The following PHLDB1 variants were observed in gnomAD, a reference collection of about 807,000 sequenced individuals.
PHLDB1 encodes pleckstrin homology-like domain family B member 1.
A neutral mutation model predicts 139.3 loss-of-function variants in PHLDB1; 65 were observed. The ratio of observed to expected loss-of-function variants is 0.47; its 90% CI spans 0.38 to 0.57. PHLDB1 has a LOEUF of 0.57. PHLDB1 is among the 20% of genes least tolerant of loss of function. PHLDB1 has a pLI of 0.00. For missense variants in PHLDB1, 1,624 were observed against 1,839.7 expected (o/e 0.88, Z 2.14); for synonymous variants, 679 against 734.5 (o/e 0.92, Z 1.22).
Position 118,632,852 on chromosome 11 carries a change from T to C in PHLDB1, c.2379+556T>C. The C allele has an allele frequency of 1.0e-6, 1 of 985,524 alleles. No homozygotes were observed. Among genetic ancestry groups the C allele is most frequent in the Non-Finnish European group, 1.2e-6 (1 of 829,860 alleles). The allele number at this position is 985,524 out of a possible 1,614,324, so 61.0% of individuals were successfully genotyped here. A position where few individuals can be genotyped will look rare whatever the true frequency, so the allele number is the denominator to read the frequency against. On this transcript the variant is annotated intron_variant, in intron 9 of 22. Coordinates refer to ENST00000600882, the MANE Select transcript of PHLDB1 (RefSeq NM_001144758.3). The surrounding 1 kb of genome is among the most constrained non-coding windows in gnomAD (Gnocchi z 5.9). ...GGCCACTCCCAGATGCCCAACACCG[T>C]GCCAAAAGCTCTGAAGTGGAGAGGG...
chr11:118,639,311 T>A, intron 12 of PHLDB1, 60 bp downstream of exon 12: 1 of 1,247,280 alleles, frequency 8.0e-7, no homozygotes, highest in Non-Finnish European at 1.2e-6. Flanking sequence ...AGGCTCTGAG[T>A]AACACATGGC....
At chr11:118,643,201 G>A (rs1419230167) in intron 13 of PHLDB1, among the ~76,000 whole-genome samples, 4 of 152,164 alleles carry the variant, frequency 2.6e-5, no homozygotes, top group Admixed American at 6.5e-5. Flanking sequence ...AGGCCTTTGA[G>A]GTAGATGAAG....
chr11:118,644,582 C>G (rs1947138879), intron 15 of PHLDB1: 2 of 1,063,182 alleles, frequency 1.9e-6, no homozygotes, highest in Non-Finnish European at 2.5e-6. Context: ...CATGTCTGTG[C>G]CTCTCTCTCC....
intron 6 of PHLDB1, chr11:118,629,937 C>G: frequency 8.7e-7 from 1 of 1,146,154 alleles, no homozygotes. Flanking sequence ...GCCCGCCCTG[C>G]CCCTCCCACC....
chr11:118,639,822 G>A (rs1186705382), intron 12 of PHLDB1: 2 of 987,140 alleles, frequency 2.0e-6, no homozygotes. Flanking sequence ...TGGGCCAAGT[G>A]TGAGGGATGC....
Position 118,645,219 on chromosome 11 carries a change from G to C in PHLDB1, c.3122-137G>C. On this transcript the variant is annotated intron_variant, in intron 15 of 22. Transcript: ENST00000600882. The surrounding 1 kb of genome is among the most constrained non-coding windows in gnomAD (Gnocchi z 5.1). ...CAGGCCTGGAGCTGCAGGGGCCTTA[G>C]GGAAGCTGCGGGGAGAGGGGGCTGC... 1 of 582,552 alleles carries C rather than the reference G, an allele frequency of 1.7e-6. No homozygotes were observed. Among genetic ancestry groups the C allele is most frequent in the Non-Finnish European group, 2.8e-6 (1 of 351,240 alleles). The allele number at this position is 582,552 out of a possible 1,614,324, so 36.1% of individuals were successfully genotyped here. A position where few individuals can be genotyped will look rare whatever the true frequency, so the allele number is the denominator to read the frequency against.
chr11:118,620,322 A>G lies in PHLDB1; in HGVS notation c.355+4111A>G, dbSNP rs1591504329. Among the ~76,000 whole-genome samples, 1 of 152,294 alleles carries G rather than the reference A, an allele frequency of 6.6e-6. No homozygotes were observed. On this transcript the variant is annotated intron_variant, in intron 4 of 22. Coordinates refer to ENST00000600882, the MANE Select transcript of PHLDB1 (RefSeq NM_001144758.3). This position sits in a 1 kb window ranked among gnomAD's most constrained non-coding sequence, Gnocchi z 4.1. ...AGCCTGACCAACATGGAGAAACCCC[A>G]TCTCTACTAAAAATACAAAATTTGC...
chr11:118,639,836 C>A (rs1281728573), intron 12 of PHLDB1: 1 of 988,772 alleles, frequency 1.0e-6, no homozygotes, highest in African/African-American at 1.8e-5. Flanking sequence ...GGGATGCAGC[C>A]CCTCACCATG....
chr11:118,627,742 C>G lies in PHLDB1; in HGVS notation c.919C>G (p.Arg307Gly), dbSNP rs61734531. 1.2e-5 allele frequency: 20 copies of G among 1,608,810 alleles called. No individual in the cohort carries two copies. In the Middle Eastern group the frequency reaches 1.8e-3, roughly 146 times the overall value. Reference sequence around the variant, plus strand: ...CCCACAGTCCCGCCCAAGTGGTGCTCGCTCCGAGAGTCCTCGGCTGAGCAG... The same window carrying G: ...CCCACAGTCCCGCCCAAGTGGTGCTGGCTCCGAGAGTCCTCGGCTGAGCAG... Reference protein sequence around the residue: ...QPPQSRPSGARSESPRLSRKG... With the variant: ...QPPQSRPSGAGSESPRLSRKG... The change falls in exon 6 of 23, where the codon CGC (arginine) becomes GGC (glycine). Residue 307 changes from arginine (R) to glycine (G), a missense_variant. Physicochemically the swap from Arg to Gly is moderately radical, Grantham distance 125 (BLOSUM62 -2). Transcript: ENST00000600882.
At chr11:118,623,874 TTGTGTGTG>T (rs3222268) in intron 4 of PHLDB1, among the ~76,000 whole-genome samples, 4,099 of 141,208 alleles carry the variant, frequency 0.029, 121 homozygotes, top group African/African-American at 0.074. Flanking sequence ...CTCTGAACAT[TTGTGTGTG>T]TGTGTGTGTG....
chr11:118,623,246 G>T (rs911651271), intron 4 of PHLDB1, among the ~76,000 whole-genome samples: 2 of 152,064 alleles, frequency 1.3e-5, no homozygotes, highest in Non-Finnish European at 2.9e-5. Flanking sequence ...GAGGCCGGGG[G>T]CCAGGGGTGT....
intron 4 of PHLDB1, among the ~76,000 whole-genome samples, chr11:118,616,843 G>A (rs1439359043): frequency 1.3e-5 from 2 of 152,094 alleles, no homozygotes; most frequent in Admixed American, 6.5e-5. Context: ...ACAGGAGTTC[G>A]AGATCAGCCT....
intron 17 of PHLDB1, chr11:118,646,690 A>G (rs1295801010): frequency 6.6e-6 from 1 of 152,194 alleles, no homozygotes; most frequent in Non-Finnish European, 1.5e-5. Flanking sequence ...AGGCTGATGA[A>G]ATGTGTGCCT....
Position 118,616,138 on chromosome 11 carries a change from C to G in PHLDB1, c.282C>G (p.Leu94=). 6.2e-7 allele frequency: 1 copy of G among 1,614,120 alleles called. No individual in the cohort carries two copies. The highest frequency in any genetic ancestry group is 8.5e-7 in the Non-Finnish European group (1 of 1,179,960). Residue 94 remains leucine (L), a synonymous_variant, in exon 4 of 23, where the codon CTC becomes CTG. Coordinates refer to ENST00000600882, the MANE Select transcript of PHLDB1 (RefSeq NM_001144758.3). ...ACATCGAGAACCTGCGGGGCACCCT[C>G]ACCCTCTACCCCTGTGGCAATGCCT... ...HCYIENLRGT[L]TLYPCGNACT... is the part of the protein sequence containing the mutation.
chr11:118,644,470 G>A (rs954240195), intron 15 of PHLDB1: 1 of 469,240 alleles, frequency 2.1e-6, no homozygotes, highest in Non-Finnish European at 3.9e-6. Context: ...TCTGGAGGGA[G>A]GGGATGGATT....
intron 3 of PHLDB1, chr11:118,615,222 GAAGAA>G (rs1941379254): frequency 7.1e-6 from 1 of 141,742 alleles, no homozygotes; most frequent in Non-Finnish European, 1.5e-5. Flanking sequence ...AAAAAAAGAA[GAAGAA>G]AAGAAACCAT....
At chr11:118,655,490 C>T in intron 20 of PHLDB1, 115 bp from the exon 21 acceptor site, 4 of 701,504 alleles carry the variant, frequency 5.7e-6, no homozygotes, top group Non-Finnish European at 7.8e-6. Flanking sequence ...TCTTGGGAGA[C>T]TAGGATCTTC....
intron 4 of PHLDB1, among the ~76,000 whole-genome samples, chr11:118,619,666 AT>A (rs1207061046): frequency 6.6e-6 from 1 of 151,762 alleles, no homozygotes; most frequent in Non-Finnish European, 1.5e-5. Context: ...TCCTGAGGAG[AT>A]TTTTTTTAAA....
chr11:118,623,950 AGT>A (rs1565415925), intron 4 of PHLDB1: 1 of 151,460 alleles, frequency 6.6e-6, no homozygotes, highest in African/African-American at 2.5e-5. Context: ...CCCAGGCTGG[AGT>A]GCAGTGGTGT....
Sources: allele counts gnomAD v4.1 joint callset (sites outside exome capture counted in the v4.1 genomes callset), GRCh38; gene constraint gnomAD v4.1.1; non-coding constraint Gnocchi (gnomAD v3.1); transcripts MANE v1.5; gene names NCBI Gene and HGNC (gene_info 2026-07-23, HGNC 2026-07-21).